PDE8B: variants seen among roughly 807,000 people sequenced by gnomAD.
PDE8B encodes phosphodiesterase 8B.
Under a neutral mutation model 101.3 loss-of-function variants are expected in PDE8B, and 26 were observed. That is an observed-to-expected ratio of 0.26 (90% CI 0.19 to 0.36). The LOEUF (loss-of-function observed/expected upper bound fraction) is 0.36. Ranked by LOEUF, PDE8B falls within the 10% of genes least tolerant of loss-of-function variation. PDE8B has a pLI of 1.00. For synonymous variants in PDE8B, 424 were observed against 429.3 expected, an observed-to-expected ratio of 0.99 and a Z score of 0.15; for missense variants, 810 against 1,163.1, an observed-to-expected ratio of 0.70 and a Z score of 4.42.
In PDE8B at chr5:77,383,675, G is replaced by A. The variant is rs550416160; in HGVS notation, c.1168-16573G>A. ...TTTTTGTATAAAGTGTAAGGAAGGG[G>A]TCCAGTTTCAGTTTTCTGCATATGG... On this transcript the variant is annotated intron_variant, in intron 10 of 21. Transcript: ENST00000264917. 3.9e-5 allele frequency among the ~76,000 whole-genome samples: 6 copies of A among 152,190 alleles called. No homozygotes were observed. In the East Asian group the frequency reaches 1.2e-3, roughly 29 times the overall value.
At chr5:77,249,969 A>G (rs1757741888) in intron 1 of PDE8B, among the ~76,000 whole-genome samples, 1 of 152,270 alleles carries the variant, frequency 6.6e-6, no homozygotes, top group Admixed American at 6.5e-5. Context: ...TCAGTTGGTC[A>G]GGCTTATGCA....
At chr5:77,259,420 A>C (rs4704401) in intron 1 of PDE8B, among the ~76,000 whole-genome samples, 10,505 of 152,148 alleles carry the variant, frequency 0.069, 428 homozygotes, top group African/African-American at 0.1. Context: ...TCTGTGGTAC[A>C]TGCCCCAACT....
chr5:77,425,440 C>G (rs929038087), intron 20 of PDE8B, among the ~76,000 whole-genome samples: 1 of 152,196 alleles, frequency 6.6e-6, no homozygotes, highest in Non-Finnish European at 1.5e-5. Flanking sequence ...GTATTCCCAG[C>G]TACTCAGGAG....
At chr5:77,296,078 A>G (rs1768482962) in intron 1 of PDE8B, among the ~76,000 whole-genome samples, 1 of 152,026 alleles carries the variant, frequency 6.6e-6, no homozygotes, top group Non-Finnish European at 1.5e-5. Context: ...ACTACTCCTA[A>G]CCAATTGCTA....
At chr5:77,192,643 A>G in the PDE8B span, among the ~76,000 whole-genome samples, 1 of 152,228 alleles carries the variant, frequency 6.6e-6, no homozygotes, top group Non-Finnish European at 1.5e-5. Flanking sequence ...ACGTCCATAG[A>G]TAAGCCTTTG....
chr5:77,397,841 C>T (rs1274840058), intron 10 of PDE8B, among the ~76,000 whole-genome samples: 2 of 152,204 alleles, frequency 1.3e-5, no homozygotes, highest in East Asian at 1.9e-4. Flanking sequence ...ATAGCTGTTG[C>T]CCGTGACTGC....
At position 77,349,565 on chromosome 5, in the gene PDE8B, T is replaced by TTACA. The variant is rs1360869390; in HGVS notation, c.1017+7_1017+10dup. The TTACA allele has an allele frequency of 1.9e-6, 3 of 1,614,152 alleles. No homozygotes were observed. The highest frequency in any genetic ancestry group is 2.5e-6 in the Non-Finnish European group (3 of 1,180,002). On this transcript the variant is annotated splice_region_variant and intron_variant, in intron 8 of 21. Transcript: ENST00000264917. ...CATGCATCAAGAAGGGAAAGGTGGG[T>TTACA]TACACCAGCAAAACCAATCCACGAA...
intron 1 of PDE8B, chr5:77,290,366 C>A: frequency 7.1e-7 from 1 of 1,408,200 alleles, no homozygotes; most frequent in Non-Finnish European, 1.0e-6. Flanking sequence ...GCTGGGGAGG[C>A]CGGGGAGAGG....
intron 7 of PDE8B, among the ~76,000 whole-genome samples, chr5:77,347,465 C>T (rs1055277028): frequency 2.6e-5 from 4 of 152,074 alleles, no homozygotes; most frequent in Non-Finnish European, 4.4e-5. Context: ...ATAGGGAAGG[C>T]AGAATGAACA....
chr5:77,299,307 A>G (rs1388982665), intron 1 of PDE8B, among the ~76,000 whole-genome samples: 1 of 151,812 alleles, frequency 6.6e-6, no homozygotes, highest in Admixed American at 6.6e-5. Flanking sequence ...GTTTTAGGGT[A>G]CATGTGCACA....
intron 10 of PDE8B, among the ~76,000 whole-genome samples, chr5:77,376,649 A>G (rs1010952954): frequency 3.3e-5 from 5 of 152,232 alleles, no homozygotes; most frequent in African/African-American, 1.2e-4. Flanking sequence ...AATGTAAACA[A>G]AGTTCTAATG....
the PDE8B span, among the ~76,000 whole-genome samples, chr5:77,142,691 A>G: frequency 6.6e-6 from 1 of 152,162 alleles, no homozygotes; most frequent in Non-Finnish European, 1.5e-5. Flanking sequence ...ACCATTTGGG[A>G]TAGATTCCCA....
the PDE8B span, among the ~76,000 whole-genome samples, chr5:77,162,309 G>A: frequency 7.2e-5 from 11 of 152,034 alleles, no homozygotes; most frequent in Non-Finnish European, 1.6e-4. Flanking sequence ...AATCATGTCC[G>A]TGTATTGAAT....
chr5:77,225,110 C>T (rs775193036), intron 1 of PDE8B, among the ~76,000 whole-genome samples: 13 of 152,146 alleles, frequency 8.5e-5, no homozygotes, highest in Non-Finnish European at 1.5e-4. Context: ...TTGCAAAAGC[C>T]TACCATTCTT....
chr5:77,248,661 A>G (rs1757456424), intron 1 of PDE8B, among the ~76,000 whole-genome samples: 1 of 152,216 alleles, frequency 6.6e-6, no homozygotes, highest in South Asian at 2.1e-4. Context: ...GGGGAAAGAA[A>G]CAATCTACTT....
At chr5:77,366,073 T>TTTTTTG (rs1173984981) in intron 10 of PDE8B, among the ~76,000 whole-genome samples, 6 of 152,270 alleles carry the variant, frequency 3.9e-5, no homozygotes, top group Admixed American at 3.9e-4. Context: ...GGTTTTTTTG[T>TTTTTTG]TTTTTGTTTT....
chr5:77,288,348 G>A (rs1212525197), intron 1 of PDE8B, among the ~76,000 whole-genome samples: 1 of 152,134 alleles, frequency 6.6e-6, no homozygotes, highest in Non-Finnish European at 1.5e-5. Flanking sequence ...GCCTTCAGGG[G>A]ATATGGACAC....
At chr5:77,096,269 A>G in the PDE8B span, among the ~76,000 whole-genome samples, 2 of 152,300 alleles carry the variant, frequency 1.3e-5, no homozygotes, top group African/African-American at 4.8e-5. Context: ...GATTACAGGC[A>G]TGAGCCACCG....
At chr5:77,291,163 G>A (rs774850144) in intron 1 of PDE8B, 55 of 1,610,592 alleles carry the variant, frequency 3.4e-5, no homozygotes, top group Middle Eastern at 1.7e-4. Flanking sequence ...GGAATAGCTG[G>A]CCAGAGGTGT....
Sources: gnomAD v4.1 joint callset for allele counts (sites outside exome capture counted in the v4.1 genomes callset) on GRCh38, gnomAD v4.1.1 for gene constraint, MANE v1.5 for transcripts, NCBI Gene and HGNC (gene_info 2026-07-23, HGNC 2026-07-21) for gene names.